SARAF: variants seen among roughly 807,000 people sequenced by gnomAD.
SARAF encodes the protein store-operated calcium entry associated regulatory factor.
A neutral mutation model predicts 39.7 loss-of-function variants in SARAF; 23 were observed. The observed-to-expected ratio is 0.58, with a 90% CI of 0.42 to 0.82. The LOEUF is 0.82. SARAF is among the 40% of genes least tolerant of loss of function. The pLI, the probability that SARAF is intolerant of heterozygous loss-of-function variation, is 0.00. For missense variants in SARAF, 384 were observed against 418.5 expected, an observed-to-expected ratio of 0.92 and a Z score of 0.72; for synonymous variants, 175 against 168.5, an observed-to-expected ratio of 1.04 and a Z score of -0.30.
At chr8:30,065,791 C>T (rs1296831097) in intron 5 of SARAF, 197 bp downstream of exon 5, 20 of 627,270 alleles carry the variant, frequency 3.2e-5, no homozygotes, top group Non-Finnish European at 5.5e-6. Flanking sequence ...TATGGTAGAG[C>T]TAAGCCTAAA....
intron 4 of SARAF, 103 bp from the exon 5 acceptor site, chr8:30,066,242 A>G (rs377049587): frequency 8.2e-7 from 1 of 1,221,750 alleles, no homozygotes; most frequent in African/African-American, 1.5e-5. Context: ...TTTATCAAGT[A>G]TTTTTTCCTG....
At chr8:30,065,520 T>G (rs1385126227) in intron 5 of SARAF, among the ~76,000 whole-genome samples, 6 of 152,256 alleles carry the variant, frequency 3.9e-5, no homozygotes, top group Non-Finnish European at 8.8e-5. Flanking sequence ...CAATTAGGCT[T>G]GATGCTTAAT....
intron 2 of SARAF, among the ~76,000 whole-genome samples, chr8:30,073,077 G>A (rs1801881020): frequency 6.6e-6 from 1 of 152,090 alleles, no homozygotes; most frequent in African/African-American, 2.4e-5. Flanking sequence ...GCAGTACTGG[G>A]GGAAAATATT....
intron 1 of SARAF, among the ~76,000 whole-genome samples, chr8:30,081,663 C>T (rs894262715): frequency 6.6e-6 from 1 of 151,916 alleles, no homozygotes; most frequent in African/African-American, 2.4e-5. Context: ...TTTCCAATCA[C>T]CAAATCACAA....
intron 1 of SARAF, among the ~76,000 whole-genome samples, chr8:30,074,400 A>T (rs537026237): frequency 2.6e-5 from 4 of 152,244 alleles, no homozygotes; most frequent in Admixed American, 2.6e-4. Flanking sequence ...GAATATAAGC[A>T]TGTTCCTGAA....
At position 30,082,944 on chromosome 8, in the gene SARAF, G is replaced by C. The variant is rs776786929; in HGVS notation, c.6C>G (p.Ala2=). M[A]AACGPGAAGY... Reference sequence around the variant, plus strand: ...CGGCCGCTCCCGGCCCGCAGGCTGCGGCCATGGCGCTCGATGAAGATGGCG... The same window carrying C: ...CGGCCGCTCCCGGCCCGCAGGCTGCCGCCATGGCGCTCGATGAAGATGGCG... The change falls in exon 1 of 6, where the codon GCC becomes GCG. Residue 2 remains alanine, a synonymous_variant. Coordinates refer to ENST00000256255, the MANE Select transcript of SARAF (RefSeq NM_016127.6). The C allele has an allele frequency of 1.9e-6, 3 of 1,543,618 alleles. No homozygotes were observed. The highest frequency in any genetic ancestry group is 5.0e-5 in the East Asian group (2 of 39,874).
At chr8:30,075,638 T>C (rs575917903) in intron 1 of SARAF, among the ~76,000 whole-genome samples, 1 of 152,290 alleles carries the variant, frequency 6.6e-6, no homozygotes, top group Non-Finnish European at 1.5e-5. Context: ...CTAATCAGCT[T>C]CCTGGCTGTC....
At chr8:30,064,184 C>T (rs908225907) in intron 5 of SARAF, among the ~76,000 whole-genome samples, 1 of 152,088 alleles carries the variant, frequency 6.6e-6, no homozygotes, top group Admixed American at 6.6e-5. Context: ...GTGGGGCCAC[C>T]ATGGTACAGG....
At position 30,073,935 on chromosome 8, in the gene SARAF, G is replaced by A. The variant is rs145106385; in HGVS notation, c.224C>T (p.Ser75Phe). The change falls in exon 2 of 6, where the codon TCT becomes TTT. Residue 75 changes from serine (S) to phenylalanine (F), a missense_variant. By Grantham distance (155) the Ser-to-Phe change is radical. Coordinates refer to ENST00000256255, the MANE Select transcript of SARAF (RefSeq NM_016127.6). ...KCVGGTAGCD[S>F]YTPKVIQCQN... Reference sequence around the variant, plus strand: ...ACACTGTATGACTTTTGGGGTATAAGAATCACAACCAGCTGTGCCTCCAAC... The same window carrying A: ...ACACTGTATGACTTTTGGGGTATAAAAATCACAACCAGCTGTGCCTCCAAC... The A allele has an allele frequency of 1.2e-6, 2 of 1,614,164 alleles. No individual in the cohort carries two copies. The highest frequency in any genetic ancestry group is 1.7e-6 in the Non-Finnish European group (2 of 1,180,030).
intron 1 of SARAF, among the ~76,000 whole-genome samples, chr8:30,075,991 C>CAAAAAAAAA (rs1300124776): frequency 3.2e-5 from 1 of 30,966 alleles, no homozygotes; most frequent in Non-Finnish European, 7.3e-5. Context: ...TAAAAAAAAA[C>CAAAAAAAAA]AAAAAAAAAA....
At chr8:30,064,026 G>T in intron 5 of SARAF, 113 bp from the exon 6 acceptor site, 1 of 965,238 alleles carries the variant, frequency 1.0e-6, no homozygotes, top group East Asian at 2.5e-5. Flanking sequence ...TAGGAGGAAA[G>T]GAAAGAGTGT....
chr8:30,075,154 G>T (rs1374588770), intron 1 of SARAF, among the ~76,000 whole-genome samples: 2 of 152,148 alleles, frequency 1.3e-5, no homozygotes, highest in African/African-American at 4.8e-5. Context: ...TACAAAATTA[G>T]CCGGGAGTGG....
rs1252393171 is a variant in SARAF, at chr8:30,073,819, T to A, written c.282+58A>T. On this transcript the variant is annotated intron_variant, in intron 2 of 5. Coordinates refer to ENST00000256255, the MANE Select transcript of SARAF (RefSeq NM_016127.6). ...CTCAAAAGACTGAATAATGTCCCAA[T>A]AAACAATTTACTGAATAAAAACCCC... is the stretch of plus-strand genomic sequence containing the variant. 17 of 1,496,358 alleles carry A rather than the reference T, an allele frequency of 1.1e-5. No individual in the cohort carries two copies. In the East Asian group the frequency reaches 3.7e-4, roughly 33 times the overall value. The allele number at this position is 1,496,358 out of a possible 1,614,324, so 92.7% of individuals were successfully genotyped here.
At position 30,074,006 on chromosome 8, in the gene SARAF, G is replaced by T. The variant is rs2117435040; in HGVS notation, c.153C>A (p.Arg51=). The change falls in exon 2 of 6, where the codon CGC becomes CGA. Residue 51 remains arginine, a synonymous_variant. Transcript: ENST00000256255. ...DVKALTLHYD[R]YTTSRRLDPI... is the part of the protein sequence containing the mutation. ...GATCCAGCCTGCGGGAGGTGGTATA[G>T]CGGTCATAGTGGAGGGTAAGAGCTT... is the stretch of plus-strand genomic sequence containing the variant. 2.5e-6 allele frequency: 4 copies of T among 1,614,222 alleles called. No individual in the cohort carries two copies. The South Asian group carries it at 3.3e-5, about 13-fold the overall frequency.
intron 1 of SARAF, among the ~76,000 whole-genome samples, chr8:30,080,528 T>G (rs1421442606): frequency 6.6e-6 from 1 of 152,236 alleles, no homozygotes; most frequent in Non-Finnish European, 1.5e-5. Context: ...AGCATGTTAT[T>G]TACATGTTTA....
At chr8:30,082,825 TG>T in intron 1 of SARAF, 21 bp downstream of exon 1, 2 of 1,433,722 alleles carry the variant, frequency 1.4e-6, no homozygotes, top group Non-Finnish European at 1.9e-6. Flanking sequence ...ACGAAGCGCC[TG>T]AGGGCCCTGG....
intron 2 of SARAF, among the ~76,000 whole-genome samples, chr8:30,071,769 T>C (rs1801851704): frequency 6.6e-6 from 1 of 152,248 alleles, no homozygotes; most frequent in African/African-American, 2.4e-5. Context: ...TTCATCCACG[T>C]TGTAGCATGT....
intron 3 of SARAF, 193 bp from the exon 4 acceptor site, chr8:30,067,111 T>C (rs1801708497): frequency 1.6e-6 from 1 of 608,798 alleles, no homozygotes. Context: ...GCATTTCCCA[T>C]AGATATGGGA....
intron 5 of SARAF, among the ~76,000 whole-genome samples, chr8:30,065,269 C>T (rs1330472728): frequency 6.6e-6 from 1 of 152,198 alleles, no homozygotes; most frequent in Non-Finnish European, 1.5e-5. Flanking sequence ...GAGAGCAAAA[C>T]TGCTCTGTCC....
Sources: gnomAD v4.1 joint callset for allele counts (sites outside exome capture counted in the v4.1 genomes callset) on GRCh38, gnomAD v4.1.1 for gene constraint, MANE v1.5 for transcripts, NCBI Gene and HGNC (gene_info 2026-07-23, HGNC 2026-07-21) for gene names.